KHDRBS2: variants seen among roughly 807,000 people sequenced by gnomAD.
The protein encoded by KHDRBS2 is KH domain-containing, RNA-binding, signal transduction-associated protein 2.
Under a neutral mutation model 44.3 loss-of-function variants are expected in KHDRBS2, and 26 were observed. The observed-to-expected ratio is 0.59, with a 90% CI of 0.43 to 0.81. KHDRBS2 has a LOEUF of 0.81. Ranked by LOEUF, KHDRBS2 falls within the 40% of genes least tolerant of loss-of-function variation. The pLI, the probability that KHDRBS2 is intolerant of heterozygous loss-of-function variation, is 0.00. For synonymous variants in KHDRBS2, 194 were observed against 151.1 expected (o/e 1.28, Z -2.08); for missense variants, 476 against 433.1 (o/e 1.10, Z -0.88).
chr6:62,177,190 GA>G lies in KHDRBS2; in HGVS notation c.213del (p.Pro72GlnfsTer17). On this transcript the variant is annotated frameshift_variant, in exon 2 of 9. Transcript: ENST00000281156. LOFTEE classifies it high-confidence loss of function. Reference protein sequence around the residue: ...SERVLIPVKQYPKFNFVGKLL... With the variant: ...SERVLIPVKQXPKFNFVGKLL... ...CAAAGTATATATGGTAGTACCTTTGGATACTGCTTGACAGGAATCAGTACTC... is the reference window on the plus strand; with the variant it reads ...CAAAGTATATATGGTAGTACCTTTGGTACTGCTTGACAGGAATCAGTACTC... 6.4e-7 allele frequency: 1 copy of G among 1,563,782 alleles called. No homozygotes were observed. The highest frequency in any genetic ancestry group is 8.8e-7 in the Non-Finnish European group (1 of 1,139,032).
chr6:62,125,204 GT>G (rs1174306997), intron 2 of KHDRBS2, among the ~76,000 whole-genome samples: 1 of 152,174 alleles, frequency 6.6e-6, no homozygotes, highest in Non-Finnish European at 1.5e-5. Flanking sequence ...GAAAATCTGT[GT>G]GCTTGCGAGA....
At chr6:61,592,188 C>CAAAAA in the KHDRBS2 span, among the ~76,000 whole-genome samples, 953 of 121,974 alleles carry the variant, frequency 7.8e-3, 8 homozygotes, top group Non-Finnish European at 0.013. Flanking sequence ...AAGATCCCAC[C>CAAAAA]AAAAAAAAAA....
the KHDRBS2 span, among the ~76,000 whole-genome samples, chr6:61,549,964 A>G: frequency 6.6e-6 from 1 of 152,180 alleles, no homozygotes; most frequent in African/African-American, 2.4e-5. Context: ...ATGATGCACT[A>G]TACAAAAACC....
the KHDRBS2 span, among the ~76,000 whole-genome samples, chr6:61,596,302 C>A: frequency 6.6e-6 from 1 of 152,128 alleles, no homozygotes; most frequent in Non-Finnish European, 1.5e-5. Flanking sequence ...CAGGGGAAGC[C>A]AAAATCTGAT....
intron 8 of KHDRBS2, among the ~76,000 whole-genome samples, chr6:61,690,517 A>T (rs1767279139): frequency 6.6e-6 from 1 of 152,020 alleles, no homozygotes; most frequent in African/African-American, 2.4e-5. Flanking sequence ...ACACATGTGG[A>T]CTATAATTTT....
chr6:62,256,749 A>T (rs556737363), intron 1 of KHDRBS2, among the ~76,000 whole-genome samples: 67 of 152,192 alleles, frequency 4.4e-4, no homozygotes, highest in South Asian at 3.1e-3. Flanking sequence ...GGGGAAGGAG[A>T]TTGCAGTAGT....
At chr6:62,083,132 C>A (rs1270084252) in intron 2 of KHDRBS2, among the ~76,000 whole-genome samples, 1 of 152,026 alleles carries the variant, frequency 6.6e-6, no homozygotes, top group African/African-American at 2.4e-5. Flanking sequence ...GCCTGCCCTG[C>A]CCCCGATTCT....
intron 1 of KHDRBS2, among the ~76,000 whole-genome samples, chr6:62,227,521 C>T (rs1832101566): frequency 6.6e-6 from 1 of 152,144 alleles, no homozygotes; most frequent in Admixed American, 6.5e-5. Flanking sequence ...TTATTTCTTT[C>T]TCTTGCCTAA....
chr6:62,103,504 G>A (rs1012184231), intron 2 of KHDRBS2, among the ~76,000 whole-genome samples: 1 of 152,178 alleles, frequency 6.6e-6, no homozygotes, highest in Non-Finnish European at 1.5e-5. Context: ...ACAGGGAATG[G>A]CAACAGGCAC....
intron 2 of KHDRBS2, among the ~76,000 whole-genome samples, chr6:62,158,261 A>C (rs1816881007): frequency 6.6e-6 from 1 of 152,202 alleles, no homozygotes; most frequent in South Asian, 2.1e-4. Flanking sequence ...TTAAATGAAA[A>C]AACAGAAGAA....
At chr6:62,090,196 G>T (rs1203730437) in intron 2 of KHDRBS2, among the ~76,000 whole-genome samples, 1 of 152,108 alleles carries the variant, frequency 6.6e-6, no homozygotes, top group Non-Finnish European at 1.5e-5. Context: ...GTATTAACAA[G>T]AACTATTTAA....
At chr6:61,966,152 T>G (rs1163298490) in intron 4 of KHDRBS2, among the ~76,000 whole-genome samples, 1 of 152,006 alleles carries the variant, frequency 6.6e-6, no homozygotes, top group East Asian at 1.9e-4. Flanking sequence ...AAATGAAATC[T>G]GAAAATGAGA....
intron 2 of KHDRBS2, among the ~76,000 whole-genome samples, chr6:62,140,623 A>G (rs1472190581): frequency 2.0e-5 from 3 of 152,290 alleles, no homozygotes; most frequent in South Asian, 2.1e-4. Flanking sequence ...ATTACCATCC[A>G]CACTTTCCGT....
At chr6:62,146,163 A>G (rs1270414596) in intron 2 of KHDRBS2, among the ~76,000 whole-genome samples, 1 of 151,942 alleles carries the variant, frequency 6.6e-6, no homozygotes, top group East Asian at 1.9e-4. Context: ...TTTCTTCTCT[A>G]TTCTACTGAA....
At chr6:62,203,124 G>T (rs772818377) in intron 1 of KHDRBS2, among the ~76,000 whole-genome samples, 3 of 152,144 alleles carry the variant, frequency 2.0e-5, no homozygotes, top group Admixed American at 1.3e-4. Context: ...GGAAGCAAGC[G>T]TGGGAGGAGA....
intron 3 of KHDRBS2, among the ~76,000 whole-genome samples, chr6:62,003,335 T>C (rs1387664926): frequency 6.6e-5 from 10 of 152,064 alleles, no homozygotes; most frequent in African/African-American, 2.4e-4. Context: ...TGTACCCACA[T>C]AGATGGATAT....
intron 4 of KHDRBS2, among the ~76,000 whole-genome samples, chr6:61,952,433 T>C (rs773014889): frequency 1.3e-5 from 2 of 152,086 alleles, no homozygotes; most frequent in African/African-American, 2.4e-5. Flanking sequence ...TTTCCCAGTT[T>C]GGACATTTAG....
At chr6:61,791,717 A>C (rs1189439799) in intron 6 of KHDRBS2, among the ~76,000 whole-genome samples, 3 of 151,498 alleles carry the variant, frequency 2.0e-5, no homozygotes, top group African/African-American at 7.2e-5. Context: ...TGAAATTTTT[A>C]TCATTATGAA....
chr6:61,587,796 C>T, the KHDRBS2 span, among the ~76,000 whole-genome samples: 1 of 152,192 alleles, frequency 6.6e-6, no homozygotes, highest in Non-Finnish European at 1.5e-5. Flanking sequence ...TCATCTTTCT[C>T]TCAATGCCCT....
Sources: allele counts gnomAD v4.1 joint callset (sites outside exome capture counted in the v4.1 genomes callset), GRCh38; gene constraint gnomAD v4.1.1; transcripts MANE v1.5; gene names NCBI Gene and HGNC (gene_info 2026-07-23, HGNC 2026-07-21).